The following ZNF844 variants were observed in gnomAD, a reference collection of about 807,000 sequenced individuals.
ZNF844 encodes the protein zinc finger protein 844.
ZNF844 carries 11 observed loss-of-function variants against 11.4 expected under a neutral mutation model. That is an observed-to-expected ratio of 0.97 (90% CI 0.61 to 1.60). The LOEUF is 1.60. Ranked by LOEUF, ZNF844 falls within the 40% of genes most tolerant of loss-of-function variation. The pLI is 0.00. For synonymous variants in ZNF844, 248 were observed against 260.3 expected (o/e 0.95, Z 0.46); for missense variants, 790 against 796.8 (o/e 0.99, Z 0.10).
intron 1 of ZNF844, among the ~76,000 whole-genome samples, chr19:12,066,025 GC>G (rs2145540101): frequency 6.6e-6 from 1 of 152,122 alleles, no homozygotes; most frequent in East Asian, 2.0e-4. Context: ...ACCCACCTGA[GC>G]AGCAGCTCAG....
intron 2 of ZNF844, 60 bp downstream of exon 2, chr19:12,074,217 G>A (rs954873434): frequency 1.1e-5 from 18 of 1,603,560 alleles, no homozygotes; most frequent in African/African-American, 1.3e-5. Flanking sequence ...GCTCATTAAT[G>A]CTATTCCTTG....
rs746084019 is a variant in ZNF844 at position 12,074,436 on chromosome 19, C to T, written c.191+15C>T. ...AATAATCTAAGGTGATTTAAACTCACGAGACAAAGCAATGTCTCTCTAGAA... is the reference window on the plus strand; with the variant it reads ...AATAATCTAAGGTGATTTAAACTCATGAGACAAAGCAATGTCTCTCTAGAA... On this transcript the variant is annotated intron_variant, in intron 3 of 3. Coordinates refer to ENST00000439326, the MANE Select transcript of ZNF844 (RefSeq NM_001136501.3). The T allele has an allele frequency of 1.8e-5, 27 of 1,509,334 alleles. No individual in the cohort carries two copies. The Admixed American group carries it at 2.5e-4, about 14-fold the overall frequency. 93.5% of individuals were successfully genotyped at this position (1,509,334 alleles called of 1,614,324 possible).
chr19:12,069,011 T>C (rs1337690019), intron 1 of ZNF844, among the ~76,000 whole-genome samples: 2 of 152,120 alleles, frequency 1.3e-5, no homozygotes, highest in Non-Finnish European at 2.9e-5. Flanking sequence ...AGGAGCCCTT[T>C]ATTCTGAGAG....
In ZNF844 at chr19:12,079,665, G is replaced by C. The variant is rs1975872338; in HGVS notation, c.*2544G>C. 6.6e-6 allele frequency: 1 copy of C among 151,158 alleles called. No homozygotes were observed. Among genetic ancestry groups the C allele is most frequent in the Non-Finnish European group, 1.5e-5 (1 of 67,892 alleles). The allele number at this position is 151,158 out of a possible 1,614,324, so 9.4% of individuals were successfully genotyped here. Reference sequence around the variant, plus strand: ...CTCCATCTGAAAAAAAAAGCAAGGGGCCGGCACGGTGGTTCACGCCTGTAA... The same window carrying C: ...CTCCATCTGAAAAAAAAAGCAAGGGCCCGGCACGGTGGTTCACGCCTGTAA... On this transcript the variant is annotated 3_prime_UTR_variant, in exon 4 of 4. Coordinates refer to ENST00000439326, the MANE Select transcript of ZNF844 (RefSeq NM_001136501.3).
At position 12,076,164 on chromosome 19, in the gene ZNF844, T is replaced by C. The variant is rs202155185; in HGVS notation, c.1044T>C (p.Tyr348=). ...ECKQCGKALS[Y]LNFQRHMKMH... is the part of the protein sequence containing the mutation. ...AACAATGTGGGAAAGCATTATCTTATCTTAACTTTCAAAGACACATGAAAA... is the reference window on the plus strand; with the variant it reads ...AACAATGTGGGAAAGCATTATCTTACCTTAACTTTCAAAGACACATGAAAA... Residue 348 remains tyrosine (Y), a synonymous_variant, in exon 4 of 4, where the codon TAT becomes TAC. Coordinates refer to ENST00000439326, the MANE Select transcript of ZNF844 (RefSeq NM_001136501.3). 3.8e-6 allele frequency: 6 copies of C among 1,573,790 alleles called. No individual in the cohort carries two copies. Among genetic ancestry groups the C allele is most frequent in the African/African-American group, 1.4e-5 (1 of 73,512 alleles).
rs542246163 is a variant in ZNF844, at chr19:12,077,976, C to T, written c.*855C>T. 1.7e-3 allele frequency: 300 copies of T among 171,692 alleles called. 1 individual carries two copies. Among genetic ancestry groups the T allele is most frequent in the African/African-American group, 6.7e-3 (278 of 41,500 alleles). 10.6% of individuals were successfully genotyped at this position (171,692 alleles called of 1,614,324 possible). On this transcript the variant is annotated 3_prime_UTR_variant, in exon 4 of 4. Transcript: ENST00000439326. ...CCTGAGTAGCTGGGACTACAGGTGCCTGCCACCACACCCGGCTGATTTTTT... is the reference window on the plus strand; with the variant it reads ...CCTGAGTAGCTGGGACTACAGGTGCTTGCCACCACACCCGGCTGATTTTTT...
rs189035994 is a variant in ZNF844 at position 12,064,757 on chromosome 19, G to C, written c.-117G>C. 3.5e-6 allele frequency: 4 copies of C among 1,135,330 alleles called. No individual in the cohort carries two copies. The highest frequency in any genetic ancestry group is 5.0e-6 in the Non-Finnish European group (4 of 798,720). 70.3% of individuals were successfully genotyped at this position (1,135,330 alleles called of 1,614,324 possible). On this transcript the variant is annotated 5_prime_UTR_variant, in exon 1 of 4. Transcript: ENST00000439326. ...GTCTTTGGCCCCTCCCGCCGGGTGA[G>C]GTTGGCACCCCGTTTTTCCTGCTCT...
chr19:12,074,448 A>G (rs1244495945), intron 3 of ZNF844, 27 bp downstream of exon 3: 2 of 1,444,388 alleles, frequency 1.4e-6, no homozygotes, highest in Admixed American at 2.3e-5. Context: ...AGACAAAGCA[A>G]TGTCTCTCTA....
At chr19:12,070,127 A>C (rs2145543843) in intron 1 of ZNF844, 1 of 151,298 alleles carries the variant, frequency 6.6e-6, no homozygotes, top group African/African-American at 2.4e-5. Flanking sequence ...ACAAAAATAA[A>C]AATAAGCGTA....
Position 12,076,312 on chromosome 19 carries a change from G to GTTTA in ZNF844, c.1193_1194insTTAT (p.Lys399TyrfsTer246). On this transcript the variant is annotated frameshift_variant, in exon 4 of 4. Coordinates refer to ENST00000439326, the MANE Select transcript of ZNF844 (RefSeq NM_001136501.3). LOFTEE classifies it low-confidence loss of function (END_TRUNC). ...AAACCTTATGAATGCAAGCACTGTG[G>GTTTA]TAAAGCCTTCAATCGTTCCAGTTCC... 3 of 1,613,880 alleles carry GTTTA rather than the reference G, an allele frequency of 1.9e-6. No individual in the cohort carries two copies. Among genetic ancestry groups the GTTTA allele is most frequent in the Non-Finnish European group, 2.5e-6 (3 of 1,179,850 alleles).
Position 12,080,275 on chromosome 19 carries a change from A to G in ZNF844, c.*3154A>G, listed in dbSNP as rs368980066. ...TGAAGCAGGAGAATGGCGTGAATCCAGGAGGCAGAGCTTGCAGTGAACCGA... is the reference window on the plus strand; with the variant it reads ...TGAAGCAGGAGAATGGCGTGAATCCGGGAGGCAGAGCTTGCAGTGAACCGA... On this transcript the variant is annotated 3_prime_UTR_variant, in exon 4 of 4. Coordinates refer to ENST00000439326, the MANE Select transcript of ZNF844 (RefSeq NM_001136501.3). 6 of 237,284 alleles carry G rather than the reference A, an allele frequency of 2.5e-5. No individual in the cohort carries two copies. The highest frequency in any genetic ancestry group is 2.1e-4 in the South Asian group (5 of 24,006). The allele number at this position is 237,284 out of a possible 1,614,324, so 14.7% of individuals were successfully genotyped here.
chr19:12,074,965 T>C (rs573996552), intron 3 of ZNF844, among the ~76,000 whole-genome samples: 1 of 152,298 alleles, frequency 6.6e-6, no homozygotes, highest in South Asian at 2.1e-4. Context: ...ATAATACGTA[T>C]AGATAGGCCA....
rs555199599 is a variant in ZNF844 at position 12,076,275 on chromosome 19, C to T, written c.1155C>T (p.Leu385=). 6.2e-7 allele frequency: 1 copy of T among 1,613,514 alleles called. No individual in the cohort carries two copies. The highest frequency in any genetic ancestry group is 1.3e-5 in the African/African-American group (1 of 75,038). ...TTCGTTTTGAAGACATGAAAGAACT[C>T]ACACTGGAGAGAAACCTTATGAATG... ...LPVRFEDMKE[L]TLERNLMNAS... The change falls in exon 4 of 4, where the codon CTC becomes CTT. Residue 385 remains leucine, a synonymous_variant. Coordinates refer to ENST00000439326, the MANE Select transcript of ZNF844 (RefSeq NM_001136501.3).
Position 12,077,087 on chromosome 19 carries a change from C to T in ZNF844, c.1967C>T (p.Pro656Leu). The T allele has an allele frequency of 6.3e-7, 1 of 1,595,868 alleles. No individual in the cohort carries two copies. The highest frequency in any genetic ancestry group is 1.1e-5 in the South Asian group (1 of 89,102). ...IVGKHSVCLV[P>L]FVDIKGLTLE ...GGAAAGCATTCAGTTTGCCTGGTTC[C>T]TTTCGTAGACATAAAAGGGCTCACA... is the stretch of plus-strand genomic sequence containing the variant. Residue 656 changes from proline (P) to leucine (L), a missense_variant, in exon 4 of 4, where the codon CCT becomes CTT. By Grantham distance (98) the Pro-to-Leu change is moderately conservative. This residue lies in a region of ZNF844 where 657 missense variants were observed against 636.2 expected (regional missense o/e 1.03). Coordinates refer to ENST00000439326, the MANE Select transcript of ZNF844 (RefSeq NM_001136501.3).
Position 12,077,117 on chromosome 19 carries a change from A to G in ZNF844, c.1997A>G (p.Glu666Gly), listed in dbSNP as rs1055241798. 4 of 1,599,028 alleles carry G rather than the reference A, an allele frequency of 2.5e-6. No homozygotes were observed. The highest frequency in any genetic ancestry group is 1.3e-5 in the African/African-American group (1 of 74,494). Residue 666 changes from glutamate (E) to glycine (G), a missense_variant, in exon 4 of 4, where the codon GAG (glutamate) becomes GGG (glycine). Glu to Gly is a moderately conservative substitution (Grantham distance 98). Coordinates refer to ENST00000439326, the MANE Select transcript of ZNF844 (RefSeq NM_001136501.3). ...PFVDIKGLTL[E>G] ...GTAGACATAAAAGGGCTCACACTGGAGTGAAACCGTATGAATGCAAGGAAT... is the reference window on the plus strand; with the variant it reads ...GTAGACATAAAAGGGCTCACACTGGGGTGAAACCGTATGAATGCAAGGAAT...
intron 1 of ZNF844, among the ~76,000 whole-genome samples, chr19:12,067,303 G>C (rs554873503): frequency 8.5e-5 from 13 of 152,190 alleles, no homozygotes; most frequent in African/African-American, 2.6e-4. Flanking sequence ...GACAGAGTGA[G>C]ACCCTGTCTC....
At position 12,069,948 on chromosome 19, in the gene ZNF844, C is replaced by T. The variant is rs187282604; in HGVS notation, c.4-4083C>T. Among the ~76,000 whole-genome samples the T allele has an allele frequency of 3.0e-3, 393 of 130,812 alleles. 2 individuals carry two copies. The highest frequency in any genetic ancestry group is 8.8e-3 in the African/African-American group (284 of 32,372). 85.8% of individuals were successfully genotyped at this position (130,812 alleles called of 152,430 possible). A position where few individuals can be genotyped will look rare whatever the true frequency, so the allele number is the denominator to read the frequency against. ...TGTAGCCTGGACAACAGTGAGACTC[C>T]GTCTCAAAAAAAAAAAAAAAAAAAG... is the stretch of plus-strand genomic sequence containing the variant. On this transcript the variant is annotated intron_variant, in intron 1 of 3. Coordinates refer to ENST00000439326, the MANE Select transcript of ZNF844 (RefSeq NM_001136501.3).
chr19:12,064,816 C>A lies in ZNF844; in HGVS notation c.-58C>A. The A allele has an allele frequency of 6.5e-7, 1 of 1,542,518 alleles. No homozygotes were observed. The highest frequency in any genetic ancestry group is 8.8e-7 in the Non-Finnish European group (1 of 1,142,326). On this transcript the variant is annotated 5_prime_UTR_variant, in exon 1 of 4. Coordinates refer to ENST00000439326, the MANE Select transcript of ZNF844 (RefSeq NM_001136501.3). ...CCGGTTGCCACCGCCATACTTCTGT[C>A]GCCCTGTCGTCTGTGTTGTGACTGC... is the stretch of plus-strand genomic sequence containing the variant.
intron 1 of ZNF844, among the ~76,000 whole-genome samples, chr19:12,067,984 G>GAAGGAAGGAAGGAAAT (rs1975712100): frequency 1.5e-5 from 2 of 129,472 alleles, no homozygotes; most frequent in African/African-American, 7.3e-5. Context: ...AGGAAGGAAG[G>GAAGGAAGGAAGGAAAT]AAAGAAAATT....
Sources: gnomAD v4.1 joint callset for allele counts (sites outside exome capture counted in the v4.1 genomes callset) on GRCh38, gnomAD v4.1.1 for gene constraint, gnomAD v4.1.1 regional missense constraint, MANE v1.5 for transcripts, NCBI Gene and HGNC (gene_info 2026-07-23, HGNC 2026-07-21) for gene names.